The following P2RY2 variants were observed in gnomAD, a reference collection of about 807,000 sequenced individuals.
The protein encoded by P2RY2 is purinergic receptor P2Y2, also known as P2Y purinoceptor 2.
For missense variants in P2RY2, 567 were observed against 515.7 expected, an observed-to-expected ratio of 1.10 and a Z score of -0.96; for synonymous variants, 241 against 231.9, an observed-to-expected ratio of 1.04 and a Z score of -0.35.
rs749716137 is a variant in P2RY2 at position 73,234,316 on chromosome 11, G to A, written c.157G>A (p.Val53Met). Residue 53 changes from valine (V) to methionine (M), a missense_variant, in exon 3 of 3, where the codon GTG (valine) becomes ATG (methionine). Physicochemically the swap from Val to Met is conservative, Grantham distance 21. Transcript: ENST00000393597. ...CGTGCCTGGGCTGTGTCTGAACGCC[G>A]TGGCGCTCTACATCTTCTTGTGCCG... ...VCVPGLCLNA[V>M]ALYIFLCRLK... 3 of 1,613,828 alleles carry A rather than the reference G, an allele frequency of 1.9e-6. No individual in the cohort carries two copies. The highest frequency in any genetic ancestry group is 2.7e-5 in the African/African-American group (2 of 75,044).
chr11:73,234,389 T>G lies in P2RY2; in HGVS notation c.230T>G (p.Val77Gly), dbSNP rs148391446. 55 of 1,614,130 alleles carry G rather than the reference T, an allele frequency of 3.4e-5. No homozygotes were observed. The highest frequency in any genetic ancestry group is 4.5e-5 in the Non-Finnish European group (53 of 1,180,046). Residue 77 changes from valine to glycine, a missense_variant, in exon 3 of 3, where the codon GTG becomes GGG. Transcript: ENST00000393597. ...ASTTYMFHLAVSDALYAASLP... is the reference protein window; with the variant it reads ...ASTTYMFHLAGSDALYAASLP... ...ACCACATATATGTTCCACCTGGCTG[T>G]GTCTGATGCACTGTATGCGGCCTCC...
chr11:73,233,948 T>C (rs1010148017), intron 2 of P2RY2: 4 of 608,232 alleles, frequency 6.6e-6, no homozygotes, highest in Non-Finnish European at 1.1e-5. Flanking sequence ...GGACTATAGT[T>C]TGTCTACCCC....
intron 1 of P2RY2, among the ~76,000 whole-genome samples, chr11:73,222,403 C>G (rs1488651543): frequency 6.6e-6 from 1 of 152,144 alleles, no homozygotes; most frequent in Non-Finnish European, 1.5e-5. Context: ...TCCAGACTCC[C>G]TGTCCCATCT....
At chr11:73,222,386 C>G (rs1039854372) in intron 1 of P2RY2, among the ~76,000 whole-genome samples, 3 of 152,062 alleles carry the variant, frequency 2.0e-5, no homozygotes, top group Non-Finnish European at 4.4e-5. Flanking sequence ...TCCTTGGTCT[C>G]CCTCCCTCCA....
rs536154653 is a variant in P2RY2, at chr11:73,235,789, G to A, written c.*496G>A. ...CACAGTGGTCTGGAATGGACTGGGT[G>A]CCACGGTGGACTTAGCTCTGAGGAG... On this transcript the variant is annotated 3_prime_UTR_variant, in exon 3 of 3. Transcript: ENST00000393597. The A allele has an allele frequency of 2.0e-6, 2 of 1,001,464 alleles. No individual in the cohort carries two copies. Among genetic ancestry groups the A allele is most frequent in the South Asian group, 4.7e-5 (1 of 21,326 alleles). The allele number at this position is 1,001,464 out of a possible 1,614,324, so 62.0% of individuals were successfully genotyped here. A position where few individuals can be genotyped will look rare whatever the true frequency, so the allele number is the denominator to read the frequency against.
intron 1 of P2RY2, among the ~76,000 whole-genome samples, chr11:73,225,071 C>T (rs1299231973): frequency 3.9e-5 from 6 of 152,214 alleles, no homozygotes; most frequent in African/African-American, 1.2e-4. Context: ...TCCCTCACAG[C>T]ACCCAACTCC....
intron 1 of P2RY2, among the ~76,000 whole-genome samples, chr11:73,218,984 C>T (rs555700642): frequency 1.3e-5 from 2 of 152,282 alleles, no homozygotes; most frequent in South Asian, 2.1e-4. Context: ...CCTCTGTCCC[C>T]GGGCTTTTAA....
Position 73,240,587 on chromosome 11 carries a change from T to C in P2RY2, c.*5294T>C, listed in dbSNP as rs949373038. 4 of 152,296 alleles carry C rather than the reference T, an allele frequency of 2.6e-5. No homozygotes were observed. Among genetic ancestry groups the C allele is most frequent in the Non-Finnish European group, 5.9e-5 (4 of 68,090 alleles). 9.4% of individuals were successfully genotyped at this position (152,296 alleles called of 1,614,324 possible). A position where few individuals can be genotyped will look rare whatever the true frequency, so the allele number is the denominator to read the frequency against. ...GGATTGTTTGGCTGCTTAGTGGGACTGGTGGCCCAGAGAGGGCTGTGCCTT... is the reference window on the plus strand; with the variant it reads ...GGATTGTTTGGCTGCTTAGTGGGACCGGTGGCCCAGAGAGGGCTGTGCCTT... On this transcript the variant is annotated 3_prime_UTR_variant, in exon 3 of 3. Transcript: ENST00000393597.
chr11:73,235,255 CCGGCTGGTAGCGAGAACACTAAGGACATT>C lies in P2RY2; in HGVS notation c.1103_1131del (p.Gly368ValfsTer46), dbSNP rs1565146067. 1.3e-6 allele frequency: 2 copies of C among 1,589,160 alleles called. No homozygotes were observed. The highest frequency in any genetic ancestry group is 1.7e-6 in the Non-Finnish European group (2 of 1,168,194). ...GGACTCTAGGCGGACAGAGTCCACG[CCGGCTGGTAGCGAGAACACTAAGGACATT>C]CGGCTGTAGGAGCAGAACACTTCAG... On this transcript the variant is annotated frameshift_variant, in exon 3 of 3. Transcript: ENST00000393597. LOFTEE classifies it high-confidence loss of function.
Position 73,232,367 on chromosome 11 carries a change from G to C in P2RY2, c.-4-1789G>C, listed in dbSNP as rs149228738. ...TCTTAGCCTCTTGATTGGAGAACTG[G>C]GGATGGTGACTTGGCCCCCAGAACA... is the stretch of plus-strand genomic sequence containing the variant. On this transcript the variant is annotated intron_variant, in intron 2 of 2. Transcript: ENST00000393597. 4.5e-4 allele frequency among the ~76,000 whole-genome samples: 68 copies of C among 152,252 alleles called. 1 individual carries two copies. Among genetic ancestry groups the C allele is most frequent in the South Asian group, 1.5e-3 (7 of 4,826 alleles).
rs1335686864 is a variant in P2RY2 at position 73,235,214 on chromosome 11, T to C, written c.1055T>C (p.Val352Ala). Residue 352 changes from valine to alanine, a missense_variant, in exon 3 of 3, where the codon GTG becomes GCG. By Grantham distance (64) the Val-to-Ala change is moderately conservative (BLOSUM62 0). Coordinates refer to ENST00000393597, the MANE Select transcript of P2RY2 (RefSeq NM_002564.4). ...DRTDMQRIED[V>A]LGSSEDSRRT... is the part of the protein sequence containing the mutation. ...ACTGACATGCAGAGGATAGAAGATG[T>C]GTTGGGCAGCAGTGAGGACTCTAGG... is the stretch of plus-strand genomic sequence containing the variant. The C allele has an allele frequency of 6.2e-7, 1 of 1,611,564 alleles. No individual in the cohort carries two copies. The highest frequency in any genetic ancestry group is 8.5e-7 in the Non-Finnish European group (1 of 1,178,976).
rs1420405837 is a variant in P2RY2, at chr11:73,240,935, A to G, written c.*5642A>G. On this transcript the variant is annotated 3_prime_UTR_variant, in exon 3 of 3. Transcript: ENST00000393597. The stretch of plus-strand genomic sequence containing the variant: ...GAATGTTTGTGTCCCCCGCCCCACA[A>G]ATCCATATGTCAAAATCCCAACTGC... 3 of 152,262 alleles carry G rather than the reference A, an allele frequency of 2.0e-5. No homozygotes were observed. The highest frequency in any genetic ancestry group is 4.4e-5 in the Non-Finnish European group (3 of 68,076). 9.4% of individuals were successfully genotyped at this position (152,262 alleles called of 1,614,324 possible).
Position 73,240,313 on chromosome 11 carries a change from G to A in P2RY2, c.*5020G>A, listed in dbSNP as rs1471978287. ...GTCAGAAGAGGATTTTCCACTCCCA[G>A]TACAATGACTGCCCTGGACCATTGT... On this transcript the variant is annotated 3_prime_UTR_variant, in exon 3 of 3. Transcript: ENST00000393597. The A allele has an allele frequency of 6.6e-6, 1 of 152,522 alleles. No homozygotes were observed. Among genetic ancestry groups the A allele is most frequent in the African/African-American group, 2.4e-5 (1 of 41,446 alleles). 9.4% of individuals were successfully genotyped at this position (152,522 alleles called of 1,614,324 possible). A position where few individuals can be genotyped will look rare whatever the true frequency, so the allele number is the denominator to read the frequency against.
intron 2 of P2RY2, among the ~76,000 whole-genome samples, chr11:73,229,846 G>A (rs568784122): frequency 2.6e-4 from 40 of 152,232 alleles, no homozygotes; most frequent in Admixed American, 6.5e-4. Flanking sequence ...GAGCAGTGGC[G>A]TGAAGGGGAG....
chr11:73,234,444 C>A lies in P2RY2; in HGVS notation c.285C>A (p.Arg95=). ...CGCTGCTGGTCTATTACTACGCCCG[C>A]GGCGACCACTGGCCCTTCAGCACGG... is the stretch of plus-strand genomic sequence containing the variant. The part of the protein sequence containing the change: ...SLPLLVYYYA[R]GDHWPFSTVL... Residue 95 remains arginine (R), a synonymous_variant, in exon 3 of 3, where the codon CGC becomes CGA. Coordinates refer to ENST00000393597, the MANE Select transcript of P2RY2 (RefSeq NM_002564.4). 1 of 1,614,160 alleles carries A rather than the reference C, an allele frequency of 6.2e-7. No individual in the cohort carries two copies. The highest frequency in any genetic ancestry group is 8.5e-7 in the Non-Finnish European group (1 of 1,180,034).
rs1862689441 is a variant in P2RY2, at chr11:73,237,781, C to A, written c.*2488C>A. 6.6e-6 allele frequency among the ~76,000 whole-genome samples: 1 copy of A among 152,208 alleles called. No individual in the cohort carries two copies. Among genetic ancestry groups the A allele is most frequent in the Non-Finnish European group, 1.5e-5 (1 of 68,040 alleles). On this transcript the variant is annotated 3_prime_UTR_variant, in exon 3 of 3. Transcript: ENST00000393597. Reference sequence around the variant, plus strand: ...CCACCTTGCTGCTCAGTGCCCAGGCCACTTGCCTTGTGGGTGAAGTTCCTG... The same window carrying A: ...CCACCTTGCTGCTCAGTGCCCAGGCAACTTGCCTTGTGGGTGAAGTTCCTG...
At position 73,238,992 on chromosome 11, in the gene P2RY2, A is replaced by G. The variant is rs1862718775; in HGVS notation, c.*3699A>G. On this transcript the variant is annotated 3_prime_UTR_variant, in exon 3 of 3. Transcript: ENST00000393597. ...AAGTTACCTAATCTTGCAGCACCTC[A>G]GTTTTCCCATTTCTAAAGTGTGCTG... The G allele has an allele frequency of 6.6e-6, 1 of 152,184 alleles. No homozygotes were observed. Among genetic ancestry groups the G allele is most frequent in the Admixed American group, 6.5e-5 (1 of 15,280 alleles). 9.4% of individuals were successfully genotyped at this position (152,184 alleles called of 1,614,324 possible).
At position 73,234,824 on chromosome 11, in the gene P2RY2, C is replaced by T. The variant is rs1303105325; in HGVS notation, c.665C>T (p.Ala222Val). ...ATCCTTGTCTGTTACGTGCTCATGGCTCGGCGACTGCTAAAGCCAGCCTAC... is the reference window on the plus strand; with the variant it reads ...ATCCTTGTCTGTTACGTGCTCATGGTTCGGCGACTGCTAAAGCCAGCCTAC... ...AVILVCYVLMARRLLKPAYGT... is the reference protein window; with the variant it reads ...AVILVCYVLMVRRLLKPAYGT... Residue 222 changes from alanine (A) to valine (V), a missense_variant, in exon 3 of 3, where the codon GCT becomes GTT. Ala to Val is a moderately conservative substitution (Grantham distance 64). Transcript: ENST00000393597. 6.2e-7 allele frequency: 1 copy of T among 1,611,536 alleles called. No individual in the cohort carries two copies. The highest frequency in any genetic ancestry group is 8.5e-7 in the Non-Finnish European group (1 of 1,179,976).
intron 1 of P2RY2, among the ~76,000 whole-genome samples, chr11:73,225,987 G>A (rs1189383327): frequency 2.0e-5 from 3 of 152,196 alleles, no homozygotes; most frequent in Non-Finnish European, 1.5e-5. Flanking sequence ...TCGTGTTTCA[G>A]GAAACTACAT....
Sources: allele counts gnomAD v4.1 joint callset (sites outside exome capture counted in the v4.1 genomes callset), GRCh38; gene constraint gnomAD v4.1.1; transcripts MANE v1.5; gene names NCBI Gene and HGNC (gene_info 2026-07-23, HGNC 2026-07-21).